Variants in GRM7 observed in about 807,000 individuals in gnomAD.
GRM7 encodes metabotropic glutamate receptor 7.
In GRM7, 35 loss-of-function variants were observed where a neutral mutation model predicts 84.5. The observed-to-expected ratio is 0.41, with a 90% CI of 0.32 to 0.55. The LOEUF (loss-of-function observed/expected upper bound fraction) is 0.55. Ranked by LOEUF, GRM7 falls within the 20% of genes least tolerant of loss-of-function variation. The pLI is 0.19. For missense variants in GRM7, 1,003 were observed against 1,194.6 expected (o/e 0.84, Z 2.36); for synonymous variants, 487 against 455.1 (o/e 1.07, Z -0.89).
intron 4 of GRM7, among the ~76,000 whole-genome samples, chr3:7,343,682 T>G (rs1324397666): frequency 6.6e-6 from 1 of 152,162 alleles, no homozygotes; most frequent in East Asian, 1.9e-4. Context: ...TTTTTAACTT[T>G]GCAACACAAT....
At chr3:7,186,528 C>G (rs1455276057) in intron 2 of GRM7, among the ~76,000 whole-genome samples, 1 of 152,112 alleles carries the variant, frequency 6.6e-6, no homozygotes, top group Non-Finnish European at 1.5e-5. Context: ...CGAATAAGGC[C>G]AGGGCATAAT....
At chr3:6,907,202 G>C (rs1696610788) in intron 1 of GRM7, among the ~76,000 whole-genome samples, 1 of 152,000 alleles carries the variant, frequency 6.6e-6, no homozygotes, top group Non-Finnish European at 1.5e-5. Flanking sequence ...ACTATGCTTG[G>C]CCTGTTTTTT....
intron 7 of GRM7, among the ~76,000 whole-genome samples, chr3:7,462,932 C>T (rs991375528): frequency 3.3e-5 from 5 of 152,102 alleles, no homozygotes; most frequent in Non-Finnish European, 5.9e-5. Flanking sequence ...GAATCCAAGG[C>T]ACACTAAACT....
chr3:7,139,745 G>C (rs1324414864), intron 1 of GRM7, among the ~76,000 whole-genome samples: 1 of 151,930 alleles, frequency 6.6e-6, no homozygotes, highest in Non-Finnish European at 1.5e-5. Flanking sequence ...AAAACTCCTT[G>C]ATATTGGCCT....
At chr3:7,547,151 C>T (rs1335994671) in intron 7 of GRM7, among the ~76,000 whole-genome samples, 4 of 151,206 alleles carry the variant, frequency 2.6e-5, no homozygotes, top group Admixed American at 6.6e-5. Flanking sequence ...GAGAAAGCCC[C>T]GGCACAGTGG....
chr3:6,883,272 TA>T (rs775527914), intron 1 of GRM7, among the ~76,000 whole-genome samples: 118 of 152,098 alleles, frequency 7.8e-4, no homozygotes, highest in Middle Eastern at 3.2e-3. Flanking sequence ...TTTTATATAT[TA>T]TAATGTTTAT....
intron 9 of GRM7, among the ~76,000 whole-genome samples, chr3:7,733,824 G>C (rs1009018367): frequency 1.3e-5 from 2 of 152,006 alleles, no homozygotes; most frequent in African/African-American, 4.8e-5. Flanking sequence ...CGCACCTTTG[G>C]AAACAAAGTA....
At chr3:7,116,975 A>G (rs1350330094) in intron 1 of GRM7, among the ~76,000 whole-genome samples, 1 of 152,160 alleles carries the variant, frequency 6.6e-6, no homozygotes, top group Admixed American at 6.6e-5. Context: ...AGGGAATAAA[A>G]TTTTGACTCA....
intron 1 of GRM7, among the ~76,000 whole-genome samples, chr3:7,073,906 T>C (rs1040332018): frequency 6.6e-6 from 1 of 152,098 alleles, no homozygotes; most frequent in Non-Finnish European, 1.5e-5. Flanking sequence ...TTCATAAACA[T>C]TCCCTTATTG....
In GRM7 at chr3:7,612,652, A is replaced by G. The variant is rs7621994; in HGVS notation, c.2451+33295A>G. Among the ~76,000 whole-genome samples, 218 of 152,352 alleles carry G rather than the reference A, an allele frequency of 1.4e-3. 1 individual carries two copies. The highest frequency in any genetic ancestry group is 5.1e-3 in the African/African-American group (211 of 41,594). ...TGAGGTTCAGACTTCTCCGCGTGGC[A>G]TCAGAGGGAAGAATTAGCATGAAGG... is the stretch of plus-strand genomic sequence containing the variant. On this transcript the variant is annotated intron_variant, in intron 8 of 9. Coordinates refer to ENST00000357716, the MANE Select transcript of GRM7 (RefSeq NM_000844.4).
At chr3:7,140,029 A>T (rs964507652) in intron 1 of GRM7, among the ~76,000 whole-genome samples, 3 of 152,040 alleles carry the variant, frequency 2.0e-5, no homozygotes, top group Non-Finnish European at 4.4e-5. Context: ...TTCAAAGGAG[A>T]CCTACAAATG....
chr3:7,361,744 A>C (rs1054172358), intron 4 of GRM7, among the ~76,000 whole-genome samples: 4 of 152,158 alleles, frequency 2.6e-5, no homozygotes, highest in Non-Finnish European at 5.9e-5. Flanking sequence ...AACTCCACAA[A>C]GACAGAAAGT....
intron 2 of GRM7, among the ~76,000 whole-genome samples, chr3:7,248,695 T>A (rs1697865958): frequency 6.6e-6 from 1 of 152,148 alleles, no homozygotes; most frequent in Non-Finnish European, 1.5e-5. Context: ...TGGATCCAGA[T>A]TTTAAAATAT....
chr3:7,115,741 C>T (rs536990322), intron 1 of GRM7, among the ~76,000 whole-genome samples: 61 of 152,172 alleles, frequency 4.0e-4, no homozygotes, highest in South Asian at 6.2e-4. Context: ...GAAGGGAAGG[C>T]GACACATTAT....
Position 7,350,584 on chromosome 3 carries a change from T to C in GRM7, c.1033+43932T>C, listed in dbSNP as rs151032000. ...GTGAGCCAATTAAACCTCTTTTCTT[T>C]ATAAATTTCCCATTCTCAGGCATTT... is the stretch of plus-strand genomic sequence containing the variant. On this transcript the variant is annotated intron_variant, in intron 4 of 9. Coordinates refer to ENST00000357716, the MANE Select transcript of GRM7 (RefSeq NM_000844.4). 5.7e-3 allele frequency among the ~76,000 whole-genome samples: 875 copies of C among 152,238 alleles called. 4 individuals are homozygous for C. Among genetic ancestry groups the C allele is most frequent in the Middle Eastern group, 0.017 (5 of 294 alleles).
rs750592869 is a variant in GRM7, at chr3:7,348,482, C to G, written c.1033+41830C>G. On this transcript the variant is annotated intron_variant, in intron 4 of 9. Transcript: ENST00000357716. ...ATGTTATCCCAGAATATTCCTTATT[C>G]ATTTTCTCTCTCTTTTATTTGGGAT... is the stretch of plus-strand genomic sequence containing the variant. Among the ~76,000 whole-genome samples, 5 of 152,214 alleles carry G rather than the reference C, an allele frequency of 3.3e-5. No individual in the cohort carries two copies. The South Asian group carries it at 1.0e-3, about 32-fold the overall frequency.
At chr3:7,125,125 A>C (rs1313031622) in intron 1 of GRM7, among the ~76,000 whole-genome samples, 1 of 152,012 alleles carries the variant, frequency 6.6e-6, no homozygotes, top group African/African-American at 2.4e-5. Context: ...TTTTTAGTAG[A>C]TATGGGGTTT....
At chr3:7,070,235 T>C (rs758627257) in intron 1 of GRM7, among the ~76,000 whole-genome samples, 6 of 152,138 alleles carry the variant, frequency 3.9e-5, no homozygotes, top group Non-Finnish European at 7.4e-5. Context: ...AAAGTGTATT[T>C]TATTTAGAAT....
chr3:7,558,634 G>T (rs1202122253), intron 7 of GRM7, among the ~76,000 whole-genome samples: 1 of 151,952 alleles, frequency 6.6e-6, no homozygotes, highest in East Asian at 1.9e-4. Context: ...GACAATTAGG[G>T]GTCCACATAT....
Sources: allele counts gnomAD v4.1 joint callset (sites outside exome capture counted in the v4.1 genomes callset), GRCh38; gene constraint gnomAD v4.1.1; transcripts MANE v1.5; gene names NCBI Gene and HGNC (gene_info 2026-07-23, HGNC 2026-07-21).